The following STAB2 variants were observed in gnomAD, a reference collection of about 807,000 sequenced individuals.
The protein encoded by STAB2 is stabilin-2.
In STAB2, 288 loss-of-function variants were observed where a neutral mutation model predicts 338.1. The observed-to-expected ratio is 0.85, with a 90% confidence interval of 0.77 to 0.94. The LOEUF (loss-of-function observed/expected upper bound fraction) is 0.94, where lower values mean the gene tolerates loss of function less well. Ranked by LOEUF, STAB2 falls within the 40% of genes least tolerant of loss-of-function variation. The pLI is 0.00. For missense variants in STAB2, 3,141 were observed against 3,210.1 expected (o/e 0.98, Z 0.52); for synonymous variants, 1,202 against 1,193.3 (o/e 1.01, Z -0.15).
chr12:103,654,849 C>T, intron 13 of STAB2, 151 bp downstream of exon 13: 8 of 943,372 alleles, frequency 8.5e-6, no homozygotes, highest in Non-Finnish European at 1.2e-5. Context: ...TGTCTGTTTC[C>T]AATAGAAACC....
chr12:103,621,395 C>T (rs1957299556), intron 4 of STAB2, among the ~76,000 whole-genome samples: 1 of 152,060 alleles, frequency 6.6e-6, no homozygotes, highest in African/African-American at 2.4e-5. Context: ...GATTTAAATA[C>T]AAGGAAATCC....
At position 103,668,624 on chromosome 12, in the gene STAB2, C is replaced by T. The variant is rs1593205549; in HGVS notation, c.2086-19C>T. The T allele has an allele frequency of 6.4e-7, 1 of 1,550,606 alleles. No homozygotes were observed. The highest frequency in any genetic ancestry group is 1.2e-5 in the South Asian group (1 of 84,052). On this transcript the variant is annotated intron_variant, in intron 19 of 68. Transcript: ENST00000388887. Reference sequence around the variant, plus strand: ...TAAACATGCTGACTGCCATGCTTTCCCTCCTTGGCTTTCTCCAGGCACTCT... The same window carrying T: ...TAAACATGCTGACTGCCATGCTTTCTCTCCTTGGCTTTCTCCAGGCACTCT...
At chr12:103,598,321 G>A (rs112820177) in intron 3 of STAB2, among the ~76,000 whole-genome samples, 1 of 152,240 alleles carries the variant, frequency 6.6e-6, no homozygotes, top group African/African-American at 2.4e-5. Flanking sequence ...TGTGGGGCAG[G>A]AAGTGTATTA....
Position 103,688,146 on chromosome 12 carries a change from TCC to T in STAB2, c.2998-20_2998-19del, listed in dbSNP as rs762228959. ...GTGTTCTCTCCCATCTCTTCTTCCC[TCC>T]CTTGCATGATATGAATAAGGAATTG... is the stretch of plus-strand genomic sequence containing the variant. On this transcript the variant is annotated intron_variant, in intron 27 of 68. Transcript: ENST00000388887. The T allele has an allele frequency of 3.7e-6, 6 of 1,611,324 alleles. No homozygotes were observed. Among genetic ancestry groups the T allele is most frequent in the Admixed American group, 3.3e-5 (2 of 59,998 alleles).
At chr12:103,739,572 T>TGTGTGTGCGC (rs373686630) in intron 54 of STAB2, 104 bp downstream of exon 54, 59 of 735,668 alleles carry the variant, frequency 8.0e-5, no homozygotes, top group African/African-American at 7.8e-4. Context: ...TGTGTGTGTG[T>TGTGTGTGCGC]GCCCGTGCAC....
intron 27 of STAB2, among the ~76,000 whole-genome samples, chr12:103,686,387 G>A (rs759210606): frequency 3.3e-5 from 5 of 152,128 alleles, no homozygotes; most frequent in Non-Finnish European, 7.3e-5. Context: ...ACTAGCTACA[G>A]ACCCTGGTTT....
intron 33 of STAB2, among the ~76,000 whole-genome samples, chr12:103,696,980 C>T (rs144505440): frequency 6.6e-5 from 10 of 152,186 alleles, no homozygotes; most frequent in South Asian, 2.1e-4. Flanking sequence ...TGAAATGACA[C>T]GATTGAACTG....
At chr12:103,610,335 T>C (rs984656136) in intron 3 of STAB2, among the ~76,000 whole-genome samples, 1 of 152,240 alleles carries the variant, frequency 6.6e-6, no homozygotes, top group Non-Finnish European at 1.5e-5. Flanking sequence ...TTTTGGTTGG[T>C]AAGCTATTAA....
At chr12:103,695,379 G>GT (rs1878305625) in intron 31 of STAB2, among the ~76,000 whole-genome samples, 171 bp from the exon 32 acceptor site, 1 of 152,204 alleles carries the variant, frequency 6.6e-6, no homozygotes, top group African/African-American at 2.4e-5. Flanking sequence ...CTCCAGCCTT[G>GT]TCATGCTGTA....
At chr12:103,606,814 C>T (rs1957035178) in intron 3 of STAB2, among the ~76,000 whole-genome samples, 1 of 152,044 alleles carries the variant, frequency 6.6e-6, no homozygotes, top group Non-Finnish European at 1.5e-5. Context: ...GAAACCCTGT[C>T]TCTACTAAGA....
Position 103,644,780 on chromosome 12 carries a change from G to A in STAB2, c.1041-3910G>A, listed in dbSNP as rs569667164. On this transcript the variant is annotated intron_variant, in intron 9 of 68. Coordinates refer to ENST00000388887, the MANE Select transcript of STAB2 (RefSeq NM_017564.10). ...TGACTACAGTCAACAACAATTTATC[G>A]TACATTTTTAAATAACTGAAAGAGT... Among the ~76,000 whole-genome samples the A allele has an allele frequency of 2.1e-4, 32 of 152,212 alleles. No individual in the cohort carries two copies. The South Asian group carries it at 2.7e-3, about 13-fold the overall frequency.
chr12:103,663,950 T>C lies in STAB2; in HGVS notation c.2022+952T>C, dbSNP rs17034306. ...TTGCTCCAGGCTCACAGCTTTACTGTAAGAGGGACTTAAAATAGAATTTCT... is the reference window on the plus strand; with the variant it reads ...TTGCTCCAGGCTCACAGCTTTACTGCAAGAGGGACTTAAAATAGAATTTCT... On this transcript the variant is annotated intron_variant, in intron 18 of 68. Coordinates refer to ENST00000388887, the MANE Select transcript of STAB2 (RefSeq NM_017564.10). Among the ~76,000 whole-genome samples the C allele has an allele frequency of 4.2e-3, 634 of 152,320 alleles. 7 individuals carry two copies. The highest frequency in any genetic ancestry group is 0.014 in the African/African-American group (599 of 41,592).
chr12:103,758,997 G>A, intron 64 of STAB2, 136 bp from the exon 65 acceptor site: 1 of 1,450,940 alleles, frequency 6.9e-7, no homozygotes, highest in Non-Finnish European at 9.5e-7. Context: ...AGAAAACCTT[G>A]ACATTTCCTG....
At chr12:103,631,901 G>A (rs1004880033) in intron 6 of STAB2, among the ~76,000 whole-genome samples, 1 of 152,158 alleles carries the variant, frequency 6.6e-6, no homozygotes, top group African/African-American at 2.4e-5. Context: ...GAGAACAGAA[G>A]CAATGTGGTG....
chr12:103,737,637 G>A lies in STAB2; in HGVS notation c.5554G>A (p.Asp1852Asn). ...TTTTTTTTTTTTTCTTTCTTAGGGT[G>A]ACCTCTTTCTGAATGGCCAAACCTG... ...VKCGAGRDIG[D>N]LFLNGQTCRI... Residue 1852 changes from aspartate to asparagine, a missense_variant, in exon 53 of 69, where the codon GAC becomes AAC. By Grantham distance (23) the Asp-to-Asn change is conservative (BLOSUM62 1). Coordinates refer to ENST00000388887, the MANE Select transcript of STAB2 (RefSeq NM_017564.10). 1 of 1,037,046 alleles carries A rather than the reference G, an allele frequency of 9.6e-7. No individual in the cohort carries two copies. Among genetic ancestry groups the A allele is most frequent in the Non-Finnish European group, 1.4e-6 (1 of 707,982 alleles). The allele number at this position is 1,037,046 out of a possible 1,614,324, so 64.2% of individuals were successfully genotyped here.
intron 68 of STAB2, among the ~76,000 whole-genome samples, chr12:103,764,820 G>A (rs891747704): frequency 4.6e-5 from 7 of 152,054 alleles, no homozygotes; most frequent in East Asian, 3.9e-4. Context: ...AGTTCGGGCC[G>A]GGTGCAGTGG....
rs969818102 is a variant in STAB2, at chr12:103,742,628, G to C, written c.6031+74G>C. ...CTCCCTGTCCTTGTTCATGCCATCT[G>C]CCTGACCTGGAGGCATCCTTTTGTC... is the stretch of plus-strand genomic sequence containing the variant. On this transcript the variant is annotated intron_variant, in intron 56 of 68. Coordinates refer to ENST00000388887, the MANE Select transcript of STAB2 (RefSeq NM_017564.10). The C allele has an allele frequency of 3.8e-6, 6 of 1,595,910 alleles. No individual in the cohort carries two copies. In the Admixed American group the frequency reaches 1.0e-4, roughly 27 times the overall value.
intron 3 of STAB2, among the ~76,000 whole-genome samples, chr12:103,607,060 A>G (rs1297516590): frequency 1.3e-5 from 2 of 152,196 alleles, no homozygotes; most frequent in Non-Finnish European, 2.9e-5. Context: ...CTCTCAGCAT[A>G]ATAAATCCTT....
intron 55 of STAB2, 111 bp from the exon 56 acceptor site, chr12:103,742,294 C>T (rs1446352212): frequency 1.1e-5 from 15 of 1,418,590 alleles, no homozygotes; most frequent in African/African-American, 5.7e-5. Flanking sequence ...ACACTGAAGG[C>T]GATGGTCCCT....
Sources: gnomAD v4.1 joint callset for allele counts (sites outside exome capture counted in the v4.1 genomes callset) on GRCh38, gnomAD v4.1.1 for gene constraint, MANE v1.5 for transcripts, NCBI Gene and HGNC (gene_info 2026-07-23, HGNC 2026-07-21) for gene names.